The following PARG variants were observed in gnomAD, a reference collection of about 807,000 sequenced individuals.
PARG encodes the protein mitochondrial poly(ADP-ribose) glycohydrolase.
A neutral mutation model predicts 113.0 loss-of-function variants in PARG; 35 were observed. The ratio of observed to expected loss-of-function variants is 0.31; its 90% CI spans 0.24 to 0.41. The LOEUF (loss-of-function observed/expected upper bound fraction) is 0.41. Ranked by LOEUF, PARG falls within the 10% of genes least tolerant of loss-of-function variation. The pLI is 1.00. For synonymous variants in PARG, 330 were observed against 409.9 expected, an observed-to-expected ratio of 0.81 and a Z score of 2.36; for missense variants, 797 against 1,169.4, an observed-to-expected ratio of 0.68 and a Z score of 4.64.
chr10:49,927,361 G>GGAAAGAAGGAAA (rs1164707713), intron 4 of PARG, among the ~76,000 whole-genome samples: 1 of 92,280 alleles, frequency 1.1e-5, no homozygotes, highest in African/African-American at 5.7e-5. Context: ...AAAGAAAGAA[G>GGAAAGAAGGAAA]GAAAGAAGGA....
intron 1 of PARG, among the ~76,000 whole-genome samples, 153 bp from the exon 2 acceptor site, chr10:49,935,295 T>C (rs1416600996): frequency 6.6e-6 from 1 of 152,206 alleles, no homozygotes; most frequent in Non-Finnish European, 1.5e-5. Flanking sequence ...GACAGGAACA[T>C]AAATGTTAAT....
At chr10:49,902,163 A>T (rs1554843871) in intron 7 of PARG, among the ~76,000 whole-genome samples, 1 of 152,222 alleles carries the variant, frequency 6.6e-6, no homozygotes, top group African/African-American at 2.4e-5. Context: ...GGGTTTTCAG[A>T]CATATGTAGA....
chr10:49,821,065 C>T (rs563227288), intron 16 of PARG, among the ~76,000 whole-genome samples: 8 of 152,150 alleles, frequency 5.3e-5, no homozygotes, highest in East Asian at 1.9e-4. Context: ...AGCACACCTG[C>T]GTCCCTCCTG....
rs1345495633 is a variant in PARG at position 49,862,919 on chromosome 10, A to C, written c.2130-1256T>G. 4.4e-3 allele frequency among the ~76,000 whole-genome samples: 659 copies of C among 148,716 alleles called. 7 individuals are homozygous for C. Among genetic ancestry groups the C allele is most frequent in the African/African-American group, 0.015 (627 of 40,636 alleles). ...TAAGCATACTACTAAAAAGATAAAG[A>C]AGCATAATCTAAAAATCTCTGGGCT... On this transcript the variant is annotated intron_variant, in intron 11 of 17. Transcript: ENST00000616448.
intron 11 of PARG, among the ~76,000 whole-genome samples, chr10:49,863,095 A>C (rs1400528475): frequency 6.6e-6 from 1 of 151,252 alleles, no homozygotes; most frequent in East Asian, 1.9e-4. Context: ...CTAACTTCCC[A>C]GTAGGTCATC....
chr10:49,834,268 A>C (rs782765369), intron 15 of PARG, among the ~76,000 whole-genome samples: 4 of 152,202 alleles, frequency 2.6e-5, no homozygotes, highest in Admixed American at 6.5e-5. Context: ...AAGAATAAAC[A>C]TAACTTTGCC....
chr10:49,920,110 A>G (rs1554848734), intron 6 of PARG, among the ~76,000 whole-genome samples: 1 of 152,046 alleles, frequency 6.6e-6, no homozygotes, highest in African/African-American at 2.4e-5. Flanking sequence ...TTTAAAAAAA[A>G]TCACACTGAT....
intron 7 of PARG, chr10:49,908,393 T>G (rs533373041): frequency 1.1e-4 from 17 of 152,314 alleles, no homozygotes; most frequent in Non-Finnish European, 2.1e-4. Context: ...GTGATTCTGA[T>G]TAGTTCCCTT....
At chr10:49,823,674 A>G (rs1844217823) in intron 16 of PARG, among the ~76,000 whole-genome samples, 1 of 152,174 alleles carries the variant, frequency 6.6e-6, no homozygotes, top group African/African-American at 2.4e-5. Context: ...TTTCTCCACC[A>G]AGAAGTACCA....
chr10:49,921,592 T>C (rs1156546367), intron 6 of PARG, among the ~76,000 whole-genome samples: 1 of 151,864 alleles, frequency 6.6e-6, no homozygotes, highest in Non-Finnish European at 1.5e-5. Context: ...CAAGTATCAG[T>C]AGAAAACATT....
intron 10 of PARG, among the ~76,000 whole-genome samples, chr10:49,867,988 G>C (rs1846602423): frequency 6.6e-6 from 1 of 152,194 alleles, no homozygotes; most frequent in South Asian, 2.1e-4. Context: ...AAAAAAAGCA[G>C]TCATTTATTT....
In PARG at chr10:49,941,921, C is replaced by A. The variant is rs1220689402; in HGVS notation, c.-196G>T. 3 of 1,067,216 alleles carry A rather than the reference C, an allele frequency of 2.8e-6. No homozygotes were observed. Among genetic ancestry groups the A allele is most frequent in the Non-Finnish European group, 4.2e-6 (3 of 714,206 alleles). 66.1% of individuals were successfully genotyped at this position (1,067,216 alleles called of 1,614,324 possible). On this transcript the variant is annotated 5_prime_UTR_variant, in exon 1 of 18. Transcript: ENST00000616448. Reference sequence around the variant, plus strand: ...AAACACTCGCCTGCCTTCCCTCTTCCACTGGCACCCCACCTGCCTCAATGC... The same window carrying A: ...AAACACTCGCCTGCCTTCCCTCTTCAACTGGCACCCCACCTGCCTCAATGC...
intron 13 of PARG, among the ~76,000 whole-genome samples, chr10:49,853,091 T>C (rs1366065403): frequency 2.7e-5 from 4 of 146,816 alleles, no homozygotes; most frequent in East Asian, 2.0e-4. Context: ...TGGAGCACAG[T>C]GGTGTGATCT....
At chr10:49,929,238 C>T (rs1353555434) in intron 4 of PARG, among the ~76,000 whole-genome samples, 1 of 150,958 alleles carries the variant, frequency 6.6e-6, no homozygotes, top group East Asian at 1.9e-4. Flanking sequence ...TATCACTTAA[C>T]ACCCTCTGTC....
intron 7 of PARG, among the ~76,000 whole-genome samples, chr10:49,904,946 A>C (rs1195017213): frequency 9.9e-5 from 15 of 151,932 alleles, no homozygotes; most frequent in Non-Finnish European, 1.3e-4. Flanking sequence ...ATAAATAAAT[A>C]AAGTCAATTG....
At chr10:49,927,778 T>A (rs556393896) in intron 4 of PARG, among the ~76,000 whole-genome samples, 130 of 152,028 alleles carry the variant, frequency 8.6e-4, no homozygotes, top group African/African-American at 2.7e-3. Flanking sequence ...AAAATCAGCC[T>A]GGGCCAACAT....
intron 1 of PARG, among the ~76,000 whole-genome samples, chr10:49,935,697 G>A (rs1392002383): frequency 6.6e-6 from 1 of 151,996 alleles, no homozygotes; most frequent in Non-Finnish European, 1.5e-5. Context: ...AGATTTCTTC[G>A]GAAAAGGTAA....
At chr10:49,858,368 CACA>C (rs1846095143) in intron 12 of PARG, among the ~76,000 whole-genome samples, 2 of 135,596 alleles carry the variant, frequency 1.5e-5, no homozygotes, top group South Asian at 2.3e-4. Flanking sequence ...CACACACACA[CACA>C]ACTTGTGTAT....
chr10:49,941,659 G>A lies in PARG; in HGVS notation c.67C>T (p.Pro23Ser), dbSNP rs1194743193. The change falls in exon 1 of 18, where the codon CCG becomes TCG. Residue 23 changes from proline to serine, a missense_variant. By Grantham distance (74) the Pro-to-Ser change is moderately conservative. Transcript: ENST00000616448. ...AAGCTCCGGGCGTCCGAAGCAGCCG[G>A]CGAAGTTGTAGCGGCGCCCCAGCGG... Reference protein sequence around the residue: ...RPRWGAATTSPAASDARSFPS... With the variant: ...RPRWGAATTSSAASDARSFPS... 9.2e-5 allele frequency: 147 copies of A among 1,597,794 alleles called. No homozygotes were observed. The African/African-American group carries it at 1.8e-3, about 20-fold the overall frequency.
Sources: allele counts gnomAD v4.1 joint callset (sites outside exome capture counted in the v4.1 genomes callset), GRCh38; gene constraint gnomAD v4.1.1; transcripts MANE v1.5; gene names NCBI Gene and HGNC (gene_info 2026-07-23, HGNC 2026-07-21).